NSF: variants seen among roughly 807,000 people sequenced by gnomAD.
NSF encodes vesicle-fusing ATPase.
A neutral mutation model predicts 50.3 loss-of-function variants in NSF; 14 were observed. The observed-to-expected ratio is 0.28, with a 90% CI of 0.18 to 0.44. The LOEUF (loss-of-function observed/expected upper bound fraction) is 0.44. Ranked by LOEUF, NSF falls within the 20% of genes least tolerant of loss-of-function variation. The pLI is 1.00. For synonymous variants in NSF, 109 were observed against 175.7 expected (o/e 0.62, Z 3.00); for missense variants, 218 against 504.3 (o/e 0.43, Z 5.44).
chr17:46,748,168 C>T (rs910712068), intron 17 of NSF, among the ~76,000 whole-genome samples: 1 of 152,042 alleles, frequency 6.6e-6, no homozygotes, highest in Non-Finnish European at 1.5e-5. Context: ...AGTGCAATGG[C>T]GTGATCTTGG....
intron 15 of NSF, among the ~76,000 whole-genome samples, chr17:46,724,793 G>C (rs1181746503): frequency 6.6e-6 from 1 of 152,112 alleles, no homozygotes; most frequent in Non-Finnish European, 1.5e-5. Context: ...AATGAATAAG[G>C]CAGCACTCCA....
intron 17 of NSF, among the ~76,000 whole-genome samples, chr17:46,747,602 T>C (rs1028943025): frequency 1.3e-5 from 2 of 152,158 alleles, no homozygotes; most frequent in African/African-American, 4.8e-5. Flanking sequence ...ATATTGTATT[T>C]TAATTGCACA....
chr17:46,756,041 T>C lies in NSF; in HGVS notation c.*218T>C, dbSNP rs2059230550. ...AAGGTGTCAATTTGGTTTAGAATGC[T>C]GCGCTTACCTTCCCATGCAGGCTAA... is the stretch of plus-strand genomic sequence containing the variant. On this transcript the variant is annotated 3_prime_UTR_variant, in exon 21 of 21. Transcript: ENST00000398238. The C allele has an allele frequency of 1.9e-6, 1 of 531,298 alleles. No individual in the cohort carries two copies. Among genetic ancestry groups the C allele is most frequent in the Middle Eastern group, 3.1e-4 (1 of 3,176 alleles). The allele number at this position is 531,298 out of a possible 1,614,324, so 32.9% of individuals were successfully genotyped here. A position where few individuals can be genotyped will look rare whatever the true frequency, so the allele number is the denominator to read the frequency against.
intron 15 of NSF, among the ~76,000 whole-genome samples, chr17:46,716,252 T>G (rs899661917): frequency 2.5e-5 from 3 of 121,762 alleles, no homozygotes; most frequent in Non-Finnish European, 3.5e-5. Context: ...ACTACTGTTC[T>G]TGCCCCTCCT....
chr17:46,742,200 G>T (rs1011148752), intron 17 of NSF, among the ~76,000 whole-genome samples: 1 of 152,150 alleles, frequency 6.6e-6, no homozygotes, highest in Non-Finnish European at 1.5e-5. Flanking sequence ...CATACATGCC[G>T]TTCATTCTAG....
intron 17 of NSF, among the ~76,000 whole-genome samples, chr17:46,738,037 G>A (rs543800845): frequency 6.6e-6 from 1 of 151,894 alleles, no homozygotes; most frequent in African/African-American, 2.4e-5. Flanking sequence ...GGGCTCAATT[G>A]ATCCTCCCGC....
At chr17:46,675,682 G>C (rs1205892087) in intron 9 of NSF, among the ~76,000 whole-genome samples, 3 of 135,576 alleles carry the variant, frequency 2.2e-5, no homozygotes, top group Non-Finnish European at 4.5e-5. Context: ...TATTGGTTCT[G>C]TTTGTCTGTT....
At chr17:46,754,584 C>A (rs192058955) in intron 19 of NSF, among the ~76,000 whole-genome samples, 1 of 152,124 alleles carries the variant, frequency 6.6e-6, no homozygotes, top group Non-Finnish European at 1.5e-5. Flanking sequence ...TGTGGGCCTA[C>A]GAGAATAAAG....
At chr17:46,595,804 TACCTTTTA>T (rs1361479027) in intron 1 of NSF, among the ~76,000 whole-genome samples, 1 of 138,290 alleles carries the variant, frequency 7.2e-6, no homozygotes, top group Non-Finnish European at 1.5e-5. Context: ...TGGATCTTTT[TACCTTTTA>T]ACCCACTTCT....
At chr17:46,685,161 T>C (rs2146217201) in intron 9 of NSF, among the ~76,000 whole-genome samples, 1 of 144,876 alleles carries the variant, frequency 6.9e-6, no homozygotes, top group South Asian at 2.2e-4. Context: ...CAGAAGTGAG[T>C]TAAAATGCCA....
intron 15 of NSF, among the ~76,000 whole-genome samples, chr17:46,714,789 T>C (rs1184269299): frequency 6.6e-6 from 1 of 152,222 alleles, no homozygotes; most frequent in African/African-American, 2.4e-5. Flanking sequence ...ATTTAAATTC[T>C]TTTTTTCATG....
intron 15 of NSF, chr17:46,722,264 G>A (rs151083524): frequency 2.9e-6 from 3 of 1,018,514 alleles, no homozygotes; most frequent in South Asian, 1.3e-5. Context: ...ATTAATTTTG[G>A]GGGGAGTCTG....
At chr17:46,675,429 TC>T (rs1236208180) in intron 9 of NSF, among the ~76,000 whole-genome samples, 1 of 125,770 alleles carries the variant, frequency 8.0e-6, no homozygotes, top group East Asian at 3.6e-4. Context: ...CATCAGCTCT[TC>T]CTGGCTTGGA....
intron 15 of NSF, among the ~76,000 whole-genome samples, chr17:46,716,137 A>G (rs199439): frequency 0.15 from 22,542 of 152,246 alleles, 1,995 homozygotes; most frequent in Non-Finnish European, 0.2. Flanking sequence ...TAGGTTGACA[A>G]AAGCCTGAGG....
chr17:46,726,459 TTAG>T, intron 15 of NSF, 87 bp from the exon 16 acceptor site: 6 of 1,135,998 alleles, frequency 5.3e-6, no homozygotes, highest in Non-Finnish European at 8.0e-6. Flanking sequence ...TGTGCTTTGT[TTAG>T]TATTGCTCAA....
intron 15 of NSF, among the ~76,000 whole-genome samples, chr17:46,725,910 T>G (rs1396398313): frequency 6.6e-6 from 1 of 152,180 alleles, no homozygotes; most frequent in African/African-American, 2.4e-5. Context: ...AAGCTAATTC[T>G]TCTATCTGAT....
intron 15 of NSF, among the ~76,000 whole-genome samples, chr17:46,724,410 G>A (rs996150847): frequency 3.9e-5 from 6 of 152,172 alleles, no homozygotes; most frequent in African/African-American, 1.4e-4. Flanking sequence ...ATAGATAATA[G>A]AGGCCCCGCC....
At chr17:46,710,790 T>C (rs1021647064) in intron 13 of NSF, among the ~76,000 whole-genome samples, 173 bp from the exon 14 acceptor site, 1 of 152,170 alleles carries the variant, frequency 6.6e-6, no homozygotes, top group Admixed American at 6.5e-5. Context: ...TTTTTTCCTA[T>C]TGGGAAAAAA....
chr17:46,750,031 T>C, intron 18 of NSF, 124 bp downstream of exon 18: 1 of 1,130,286 alleles, frequency 8.8e-7, no homozygotes, highest in Non-Finnish European at 1.3e-6. Context: ...CCCGGGGATA[T>C]TACAGGTTGT....
Sources: allele counts gnomAD v4.1 joint callset (sites outside exome capture counted in the v4.1 genomes callset), GRCh38; gene constraint gnomAD v4.1.1; transcripts MANE v1.5; gene names NCBI Gene and HGNC (gene_info 2026-07-23, HGNC 2026-07-21).